WRN: variants seen among roughly 807,000 people sequenced by gnomAD.
WRN encodes the protein bifunctional 3'-5' exonuclease/ATP-dependent helicase WRN.
A neutral mutation model predicts 180.7 loss-of-function variants in WRN; 149 were observed. The ratio of observed to expected loss-of-function variants is 0.82; its 90% confidence interval spans 0.72 to 0.94. The LOEUF is 0.94. Ranked by LOEUF, WRN falls within the 40% of genes least tolerant of loss-of-function variation. The pLI is 0.00. For synonymous variants in WRN, 548 were observed against 568.9 expected, an observed-to-expected ratio of 0.96 and a Z score of 0.52; for missense variants, 1,661 against 1,700.1, an observed-to-expected ratio of 0.98 and a Z score of 0.40.
chr8:31,078,434 A>C lies in WRN; in HGVS notation c.839+2147A>C, dbSNP rs1396722830. ...GCATTTCTGTGGAGTGCAGGAGGCC[A>C]CATTTTGTTCATAGATCCAGTTTGA... is the stretch of plus-strand genomic sequence containing the variant. On this transcript the variant is annotated intron_variant, in intron 8 of 34. Transcript: ENST00000298139. Among the ~76,000 whole-genome samples the C allele has an allele frequency of 2.0e-5, 3 of 152,208 alleles. No individual in the cohort carries two copies. In the South Asian group the frequency reaches 6.2e-4, roughly 32 times the overall value.
intron 31 of WRN, among the ~76,000 whole-genome samples, chr8:31,151,520 T>G (rs905321389): frequency 2.0e-5 from 3 of 152,176 alleles, no homozygotes; most frequent in Non-Finnish European, 4.4e-5. Context: ...TCTTACTGAG[T>G]TTTTGGAAAT....
chr8:31,089,187 TTAAC>T lies in WRN; in HGVS notation c.1652+224_1652+227del, dbSNP rs1306744198. Among the ~76,000 whole-genome samples, 8 of 152,220 alleles carry T rather than the reference TTAAC, an allele frequency of 5.3e-5. 1 individual carries two copies. In the South Asian group the frequency reaches 1.5e-3, roughly 28 times the overall value. On this transcript the variant is annotated intron_variant, in intron 13 of 34. Coordinates refer to ENST00000298139, the MANE Select transcript of WRN (RefSeq NM_000553.6). Reference sequence around the variant, plus strand: ...ATAAGTGAGGAAAAATGGTTTTCCTTTAACTGAGCAGTTCTGAGTAGAAACTAGT... The same window carrying T: ...ATAAGTGAGGAAAAATGGTTTTCCTTTGAGCAGTTCTGAGTAGAAACTAGT...
chr8:31,080,524 GT>G (rs760769903), intron 8 of WRN, among the ~76,000 whole-genome samples: 166 of 130,676 alleles, frequency 1.3e-3, no homozygotes, highest in African/African-American at 1.8e-3. Context: ...ATGAAATAGG[GT>G]TTTTTTTTTT....
At position 31,059,184 on chromosome 8, in the gene WRN, A is replaced by G. The variant is rs1394481064; in HGVS notation, c.128A>G (p.Asp43Gly). The change falls in exon 3 of 35, where the codon GAC becomes GGC. Residue 43 changes from aspartate (D) to glycine (G), a missense_variant. Physicochemically the swap from Asp to Gly is moderately conservative, Grantham distance 94. This residue lies in a region of WRN where 500 missense variants were observed against 504.1 expected (regional missense o/e 0.99). Coordinates refer to ENST00000298139, the MANE Select transcript of WRN (RefSeq NM_000553.6). ...GTTCGGAAGAGTGTTTTTGAAGATG[A>G]CCTCCCCTTCTTAGAATTCACTGGA... is the stretch of plus-strand genomic sequence containing the variant. ...ACVRKSVFEDDLPFLEFTGSI... is the reference protein window; with the variant it reads ...ACVRKSVFEDGLPFLEFTGSI... 1 of 1,612,560 alleles carries G rather than the reference A, an allele frequency of 6.2e-7. No homozygotes were observed. The highest frequency in any genetic ancestry group is 8.5e-7 in the Non-Finnish European group (1 of 1,178,832).
At chr8:31,091,959 G>T in intron 16 of WRN, 61 bp downstream of exon 16, 1 of 1,448,694 alleles carries the variant, frequency 6.9e-7, no homozygotes. Context: ...ATGCAAGTTT[G>T]TTACGTGGGT....
At chr8:31,119,972 C>G (rs958272882) in intron 20 of WRN, 14 of 379,668 alleles carry the variant, frequency 3.7e-5, no homozygotes, top group Non-Finnish European at 5.8e-5. Context: ...TATTTTGAAC[C>G]CCTTTTGTGT....
At chr8:31,114,152 T>G (rs1007121083) in intron 19 of WRN, among the ~76,000 whole-genome samples, 2 of 152,168 alleles carry the variant, frequency 1.3e-5, no homozygotes, top group African/African-American at 4.8e-5. Context: ...AGAGGGTAAT[T>G]AAGGCTTCAG....
Position 31,141,440 on chromosome 8 carries a change from G to T in WRN, c.2978G>T (p.Arg993Leu). The change falls in exon 25 of 35, where the codon CGT becomes CTT. Residue 993 changes from arginine to leucine, a missense_variant. Arg to Leu is a moderately radical substitution (Grantham distance 102). Transcript: ENST00000298139. ...TATTCCTAATTTCAGAATTCTCAGCGTCTTGCCGATCAATATCGCAGGCAC... is the reference window on the plus strand; with the variant it reads ...TATTCCTAATTTCAGAATTCTCAGCTTCTTGCCGATCAATATCGCAGGCAC... ...ILFLRGSNSQ[R>L]LADQYRRHSL... The T allele has an allele frequency of 6.2e-7, 1 of 1,613,988 alleles. No individual in the cohort carries two copies. Among genetic ancestry groups the T allele is most frequent in the Non-Finnish European group, 8.5e-7 (1 of 1,180,006 alleles).
At chr8:31,090,068 A>G (rs1224697994) in intron 13 of WRN, among the ~76,000 whole-genome samples, 1 of 151,776 alleles carries the variant, frequency 6.6e-6, no homozygotes, top group East Asian at 1.9e-4. Context: ...ACATGTGCAT[A>G]CCCATGTAAC....
At chr8:31,136,538 T>G (rs1802402678) in intron 24 of WRN, among the ~76,000 whole-genome samples, 1 of 152,086 alleles carries the variant, frequency 6.6e-6, no homozygotes, top group Non-Finnish European at 1.5e-5. Context: ...AGTTTTAAAT[T>G]TGTATTTTTA....
chr8:31,073,524 GATATC>G (rs368329659), intron 7 of WRN, among the ~76,000 whole-genome samples: 11,706 of 152,238 alleles, frequency 0.077, 511 homozygotes, highest in African/African-American at 0.13. Flanking sequence ...ATATCCAAGA[GATATC>G]AATATTTGGG....
At chr8:31,059,524 G>A (rs1321409304) in intron 3 of WRN, among the ~76,000 whole-genome samples, 1 of 151,918 alleles carries the variant, frequency 6.6e-6, no homozygotes, top group Non-Finnish European at 1.5e-5. Flanking sequence ...ATGTGCTGCT[G>A]AAGCGAGCAC....
chr8:31,147,902 G>A (rs879805941), intron 30 of WRN, among the ~76,000 whole-genome samples: 1 of 41,246 alleles, frequency 2.4e-5, no homozygotes, highest in African/African-American at 9.5e-5. Flanking sequence ...TTTTTTTTTT[G>A]TCTGAAGACT....
intron 32 of WRN, among the ~76,000 whole-genome samples, chr8:31,156,635 A>T (rs1254259546): frequency 6.6e-6 from 1 of 152,250 alleles, no homozygotes; most frequent in Non-Finnish European, 1.5e-5. Context: ...AGACTTTGAA[A>T]ATGTATTGAA....
At chr8:31,113,461 A>C (rs1054024138) in intron 19 of WRN, among the ~76,000 whole-genome samples, 1 of 152,292 alleles carries the variant, frequency 6.6e-6, no homozygotes, top group African/African-American at 2.4e-5. Flanking sequence ...TGCTCTCTGA[A>C]GTGAGTACTC....
In WRN at chr8:31,167,114, C is replaced by T; in HGVS notation, c.4075C>T (p.Pro1359Ser). ...HMAIEILKHG[P>S]DSGLQPSCDV... ...GGCAATTGAGATCCTTAAACATGGTCCTGACAGCGGACTTCAACCTTCATG... is the reference window on the plus strand; with the variant it reads ...GGCAATTGAGATCCTTAAACATGGTTCTGACAGCGGACTTCAACCTTCATG... The change falls in exon 34 of 35, where the codon CCT (proline) becomes TCT (serine). Residue 1359 changes from proline to serine, a missense_variant. Physicochemically the swap from Pro to Ser is moderately conservative, Grantham distance 74. This residue lies in a region of WRN where 1,141 missense variants were observed against 1,149.4 expected (regional missense o/e 0.99). Coordinates refer to ENST00000298139, the MANE Select transcript of WRN (RefSeq NM_000553.6). 6.2e-7 allele frequency: 1 copy of T among 1,613,372 alleles called. No individual in the cohort carries two copies. Among genetic ancestry groups the T allele is most frequent in the Non-Finnish European group, 8.5e-7 (1 of 1,179,542 alleles).
chr8:31,064,340 A>C lies in WRN; in HGVS notation c.261A>C (p.Pro87=). The change falls in exon 4 of 35, where the codon CCA becomes CCC. Residue 87 remains proline (P), a synonymous_variant. Transcript: ENST00000298139. Reference sequence around the variant, plus strand: ...TGGGATTTGACATGGAGTGGCCACCATTATACAATAGAGGGAAACTTGGCA... The same window carrying C: ...TGGGATTTGACATGGAGTGGCCACCCTTATACAATAGAGGGAAACTTGGCA... ...DVVGFDMEWP[P]LYNRGKLGKV... 6.2e-7 allele frequency: 1 copy of C among 1,614,150 alleles called. No individual in the cohort carries two copies. The highest frequency in any genetic ancestry group is 8.5e-7 in the Non-Finnish European group (1 of 1,180,008).
chr8:31,089,044 C>T, intron 13 of WRN, 79 bp downstream of exon 13: 3 of 1,259,894 alleles, frequency 2.4e-6, no homozygotes, highest in Non-Finnish European at 3.4e-6. Context: ...AACCTGTCTG[C>T]TTAACAGCAA....
rs775685980 is a variant in WRN at position 31,083,727 on chromosome 8, A to G, written c.1298A>G (p.Asp433Gly). The change falls in exon 10 of 35, where the codon GAT (aspartate) becomes GGT (glycine). Residue 433 changes from aspartate (D) to glycine (G), a missense_variant. Asp to Gly is a moderately conservative substitution (Grantham distance 94). Coordinates refer to ENST00000298139, the MANE Select transcript of WRN (RefSeq NM_000553.6). ...TTATCTCCCAATGATAATGAAAACG[A>G]TACGTCCTATGTAATTGAGAGTGAT... ...EHLSPNDNEN[D>G]TSYVIESDED... 4 of 1,611,968 alleles carry G rather than the reference A, an allele frequency of 2.5e-6. No individual in the cohort carries two copies. Among genetic ancestry groups the G allele is most frequent in the Admixed American group, 1.7e-5 (1 of 59,958 alleles).
Sources: allele counts gnomAD v4.1 joint callset (sites outside exome capture counted in the v4.1 genomes callset), GRCh38; gene constraint gnomAD v4.1.1; regional missense constraint gnomAD v4.1.1; transcripts MANE v1.5; gene names NCBI Gene and HGNC (gene_info 2026-07-23, HGNC 2026-07-21).